The following VPS35L variants were observed in gnomAD, a reference collection of about 807,000 sequenced individuals.
VPS35L encodes VPS35 endosomal protein-sorting factor-like.
In VPS35L, 83 loss-of-function variants were observed where a neutral mutation model predicts 133.0. The observed-to-expected ratio is 0.62, with a 90% CI of 0.52 to 0.75. The LOEUF (loss-of-function observed/expected upper bound fraction) is 0.75. Ranked by LOEUF, VPS35L falls within the 30% of genes least tolerant of loss-of-function variation. The probability of loss-of-function intolerance (pLI) is 0.00; values close to 1 mark genes in which losing one functional copy is unlikely to be tolerated. For synonymous variants in VPS35L, 423 were observed against 449.9 expected (o/e 0.94, Z 0.76); for missense variants, 1,083 against 1,206.8 (o/e 0.90, Z 1.52).
At chr16:19,660,064 G>A (rs539141745) in intron 26 of VPS35L, among the ~76,000 whole-genome samples, 1 of 152,204 alleles carries the variant, frequency 6.6e-6, no homozygotes, top group Non-Finnish European at 1.5e-5. Context: ...GGTGGCTCAC[G>A]CCTGTAATCC....
At chr16:19,557,321 C>T (rs1325527935) in intron 1 of VPS35L, among the ~76,000 whole-genome samples, 1 of 152,160 alleles carries the variant, frequency 6.6e-6, no homozygotes, top group Non-Finnish European at 1.5e-5. Context: ...TACAAGCAGG[C>T]AAACAGGTGC....
intron 26 of VPS35L, among the ~76,000 whole-genome samples, chr16:19,655,079 G>A (rs375209542): frequency 6.6e-6 from 1 of 152,050 alleles, no homozygotes; most frequent in Non-Finnish European, 1.5e-5. Context: ...TAACGTCCTC[G>A]GTCCCCACTG....
In VPS35L at chr16:19,646,161, G is replaced by A. The variant is rs184631710; in HGVS notation, c.1929+1212G>A. 2.0e-3 allele frequency among the ~76,000 whole-genome samples: 297 copies of A among 152,214 alleles called. 3 individuals are homozygous for A. Among genetic ancestry groups the A allele is most frequent in the Non-Finnish European group, 2.5e-3 (167 of 68,018 alleles). ...AGGGAGTGTGGTGTGGCACTGGCGT[G>A]GCACGATTGGGCTGGAGGATCCACA... On this transcript the variant is annotated intron_variant, in intron 23 of 30. Coordinates refer to ENST00000417362, the MANE Select transcript of VPS35L (RefSeq NM_020314.7).
chr16:19,698,286 T>C (rs976728831), intron 29 of VPS35L, among the ~76,000 whole-genome samples: 4 of 152,192 alleles, frequency 2.6e-5, no homozygotes, highest in African/African-American at 9.6e-5. Context: ...TCTCAGCTCA[T>C]GGCCACCACT....
At chr16:19,668,093 G>C (rs1320031610) in intron 26 of VPS35L, among the ~76,000 whole-genome samples, 1 of 152,020 alleles carries the variant, frequency 6.6e-6, no homozygotes, top group Non-Finnish European at 1.5e-5. Context: ...ATTAAACATA[G>C]GCCTTTCTTC....
At chr16:19,594,603 T>C (rs8048487) in intron 8 of VPS35L, among the ~76,000 whole-genome samples, 3,549 of 122,722 alleles carry the variant, frequency 0.029, 165 homozygotes, top group African/African-American at 0.1. Flanking sequence ...GAGATCGCGC[T>C]GCTGCACTCC....
chr16:19,580,821 A>G (rs1040071940), intron 6 of VPS35L, among the ~76,000 whole-genome samples: 4 of 152,034 alleles, frequency 2.6e-5, no homozygotes, highest in South Asian at 2.1e-4. Flanking sequence ...CTTTGTTACC[A>G]TATTTTTTCC....
chr16:19,633,301 C>G lies in VPS35L; in HGVS notation c.1635+129C>G. On this transcript the variant is annotated intron_variant, in intron 19 of 30. Transcript: ENST00000417362. This position sits in a 1 kb window ranked among gnomAD's most constrained non-coding sequence, Gnocchi z 4.1. Reference sequence around the variant, plus strand: ...GTTTGAATCATAGCTCTGCCATATCCTAGCCATGTGCCCTTTGATCAGTTA... The same window carrying G: ...GTTTGAATCATAGCTCTGCCATATCGTAGCCATGTGCCCTTTGATCAGTTA... 1 of 843,222 alleles carries G rather than the reference C, an allele frequency of 1.2e-6. No homozygotes were observed. Among genetic ancestry groups the G allele is most frequent in the Non-Finnish European group, 2.0e-6 (1 of 512,580 alleles). 52.2% of individuals were successfully genotyped at this position (843,222 alleles called of 1,614,324 possible). A position where few individuals can be genotyped will look rare whatever the true frequency, so the allele number is the denominator to read the frequency against.
intron 12 of VPS35L, 28 bp downstream of exon 12, chr16:19,610,443 C>T (rs771017689): frequency 3.2e-5 from 50 of 1,579,384 alleles, no homozygotes; most frequent in South Asian, 1.3e-4. Context: ...CTGCCCTTGA[C>T]GGCACGGCTG....
chr16:19,673,641 A>G (rs1408217908), intron 27 of VPS35L, among the ~76,000 whole-genome samples: 2 of 152,156 alleles, frequency 1.3e-5, no homozygotes, highest in Non-Finnish European at 2.9e-5. Context: ...GTAGCATTGC[A>G]TGTGTTTTAG....
At position 19,627,355 on chromosome 16, in the gene VPS35L, C is replaced by T. The variant is rs181702828; in HGVS notation, c.1272-339C>T. On this transcript the variant is annotated intron_variant, in intron 15 of 30. Coordinates refer to ENST00000417362, the MANE Select transcript of VPS35L (RefSeq NM_020314.7). The stretch of plus-strand genomic sequence containing the variant: ...ATATATTTACAACATGGATCAATAT[C>T]GTTACTTAATGTTCTGTCTCATTAG... Among the ~76,000 whole-genome samples, 148 of 152,090 alleles carry T rather than the reference C, an allele frequency of 9.7e-4. No individual in the cohort carries two copies. The South Asian group carries it at 0.011, about 12-fold the overall frequency.
chr16:19,663,835 T>G (rs1018223629), intron 26 of VPS35L, among the ~76,000 whole-genome samples: 26 of 152,122 alleles, frequency 1.7e-4, no homozygotes, highest in African/African-American at 6.0e-4. Flanking sequence ...AAACATACAG[T>G]TTACCTAGCA....
intron 14 of VPS35L, among the ~76,000 whole-genome samples, chr16:19,622,138 A>ATGTTTTTTT (rs1264606460): frequency 9.4e-6 from 1 of 106,628 alleles, no homozygotes; most frequent in Admixed American, 1.1e-4. Context: ...CTCCATGTAT[A>ATGTTTTTTT]TCTTTTTTTT....
At chr16:19,656,038 G>A (rs185208924) in intron 26 of VPS35L, among the ~76,000 whole-genome samples, 20 of 152,030 alleles carry the variant, frequency 1.3e-4, no homozygotes, top group African/African-American at 4.1e-4. Flanking sequence ...TGAGGTGGGC[G>A]GATCACCTGA....
At chr16:19,668,877 C>T (rs770320779) in intron 26 of VPS35L, among the ~76,000 whole-genome samples, 3 of 152,208 alleles carry the variant, frequency 2.0e-5, no homozygotes, top group Non-Finnish European at 4.4e-5. Context: ...TTAGCCCAGG[C>T]AACTGTCATT....
chr16:19,700,244 C>A, intron 30 of VPS35L, 134 bp from the exon 31 acceptor site: 1 of 700,382 alleles, frequency 1.4e-6, no homozygotes, highest in South Asian at 2.1e-5. Flanking sequence ...TGATTTCTTC[C>A]CTCCTCTCAT....
chr16:19,684,213 C>G (rs1394252650), intron 28 of VPS35L, among the ~76,000 whole-genome samples: 1 of 152,188 alleles, frequency 6.6e-6, no homozygotes, highest in Non-Finnish European at 1.5e-5. Context: ...GTGTCCTGGA[C>G]TTACCACAGG....
intron 7 of VPS35L, 123 bp from the exon 8 acceptor site, chr16:19,591,667 A>C: frequency 1.5e-6 from 1 of 671,738 alleles, no homozygotes; most frequent in Non-Finnish European, 2.5e-6. Context: ...CACCTCGCAC[A>C]GGCCTTGGCA....
At chr16:19,652,277 A>C (rs1049310856) in intron 26 of VPS35L, 187 bp downstream of exon 26, 38 of 554,846 alleles carry the variant, frequency 6.8e-5, no homozygotes, top group Non-Finnish European at 2.0e-5. Context: ...CCTGGGCTCA[A>C]GCAGTCCTCC....
Sources: allele counts gnomAD v4.1 joint callset (sites outside exome capture counted in the v4.1 genomes callset), GRCh38; gene constraint gnomAD v4.1.1; non-coding constraint Gnocchi (gnomAD v3.1); transcripts MANE v1.5; gene names NCBI Gene and HGNC (gene_info 2026-07-23, HGNC 2026-07-21).